TOGARAM1: variants seen among roughly 807,000 people sequenced by gnomAD.
TOGARAM1 encodes the protein TOG array regulator of axonemal microtubules 1, also known as TOG array regulator of axonemal microtubules protein 1.
Under a neutral mutation model 166.6 loss-of-function variants are expected in TOGARAM1, and 100 were observed. The ratio of observed to expected loss-of-function variants is 0.60; its 90% CI spans 0.51 to 0.71. The LOEUF (loss-of-function observed/expected upper bound fraction) is 0.71. Among genes scored for constraint, TOGARAM1 ranks in the 30% least tolerant of loss-of-function variants. The pLI, the probability that TOGARAM1 is intolerant of heterozygous loss-of-function variation, is 0.00. For synonymous variants in TOGARAM1, 758 were observed against 763.8 expected (o/e 0.99, Z 0.13); for missense variants, 2,029 against 2,102.7 (o/e 0.96, Z 0.69).
At chr14:44,997,951 T>C (rs1887511078) in intron 2 of TOGARAM1, among the ~76,000 whole-genome samples, 1 of 152,196 alleles carries the variant, frequency 6.6e-6, no homozygotes, top group African/African-American at 2.4e-5. Flanking sequence ...GAAAATGGTT[T>C]AGAAGGTAAA....
chr14:45,034,644 T>C (rs186936214), intron 11 of TOGARAM1, among the ~76,000 whole-genome samples: 83 of 152,322 alleles, frequency 5.4e-4, no homozygotes, highest in African/African-American at 1.9e-3. Context: ...CTCAGAGTTT[T>C]GCTCCATAGT....
chr14:44,963,658 G>C lies in TOGARAM1; in HGVS notation c.1237G>C (p.Gly413Arg). 3 of 1,613,420 alleles carry C rather than the reference G, an allele frequency of 1.9e-6. No homozygotes were observed. The highest frequency in any genetic ancestry group is 2.5e-6 in the Non-Finnish European group (3 of 1,180,018). The change falls in exon 1 of 20, where the codon GGC (glycine) becomes CGC (arginine). Residue 413 changes from glycine to arginine, a missense_variant. Transcript: ENST00000361462. ...CGATTCTAACTTCAAAGTGGTGCAT[G>C]GCACACTTGAAGTCCTGCATTTACT... The part of the protein sequence containing the change: ...LDDSNFKVVH[G>R]TLEVLHLLVI...
At chr14:45,027,177 C>A (rs1000575114) in intron 8 of TOGARAM1, 122 bp from the exon 9 acceptor site, 3 of 863,040 alleles carry the variant, frequency 3.5e-6, no homozygotes, top group Admixed American at 2.8e-5. Flanking sequence ...AATTATTTAG[C>A]ATGTTTTTCT....
chr14:45,020,848 G>A (rs1229812078), intron 7 of TOGARAM1, among the ~76,000 whole-genome samples: 1 of 152,186 alleles, frequency 6.6e-6, no homozygotes, highest in Non-Finnish European at 1.5e-5. Context: ...CTACTAAAAT[G>A]GAAGTGGTGT....
chr14:45,006,296 AAAATATTTGCAATTTTCTAT>A (rs764570824), intron 5 of TOGARAM1, 29 bp downstream of exon 5: 18 of 1,516,046 alleles, frequency 1.2e-5, no homozygotes, highest in Middle Eastern at 4.1e-4. Context: ...TAATGACTTA[AAAATATTTGCAATTTTCTAT>A]AATATAGTTG....
chr14:45,040,298 T>A (rs1280365344), intron 11 of TOGARAM1, among the ~76,000 whole-genome samples: 1 of 152,194 alleles, frequency 6.6e-6, no homozygotes, highest in Non-Finnish European at 1.5e-5. Flanking sequence ...ATTTATGGGA[T>A]GTAGCCAAAT....
intron 16 of TOGARAM1, among the ~76,000 whole-genome samples, chr14:45,063,323 C>T (rs1265443425): frequency 1.3e-5 from 2 of 152,070 alleles, no homozygotes; most frequent in African/African-American, 4.8e-5. Flanking sequence ...CATATGATAA[C>T]TCTATGTTTA....
rs1386620618 is a variant in TOGARAM1 at position 45,073,530 on chromosome 14, T to A, written c.5291T>A (p.Leu1764Ter). ...CATATCAAAAAGAGTTTGGAGGAAT[T>A]ACTCGATATGACAATTTTAAATGAA... Reference protein sequence around the residue: ...PPHIKKSLEELLDMTILNEL With the variant: ...PPHIKKSLEE The change falls in exon 20 of 20, where the codon TTA (leucine) becomes TAA (stop). Residue 1764 changes from leucine to a stop codon, truncating the protein, a stop_gained. Coordinates refer to ENST00000361462, the MANE Select transcript of TOGARAM1 (RefSeq NM_001308120.2). LOFTEE classifies it high-confidence loss of function. 4 of 1,613,790 alleles carry A rather than the reference T, an allele frequency of 2.5e-6. No homozygotes were observed. Among genetic ancestry groups the A allele is most frequent in the Non-Finnish European group, 3.4e-6 (4 of 1,179,908 alleles).
At chr14:45,002,696 G>A (rs906563970) in intron 3 of TOGARAM1, among the ~76,000 whole-genome samples, 3 of 152,032 alleles carry the variant, frequency 2.0e-5, no homozygotes, top group Non-Finnish European at 2.9e-5. Flanking sequence ...TTTAAATCTC[G>A]GCTGTGTGCG....
chr14:45,051,365 AAATGGTC>A (rs1368526892), intron 14 of TOGARAM1, among the ~76,000 whole-genome samples: 4 of 151,988 alleles, frequency 2.6e-5, no homozygotes, highest in Non-Finnish European at 5.9e-5. Context: ...GGTGGACAGC[AAATGGTC>A]AATGGGCAAG....
In TOGARAM1 at chr14:45,025,823, C is replaced by T; in HGVS notation, c.3279C>T (p.Phe1093=). Residue 1093 remains phenylalanine (F), a synonymous_variant, in exon 8 of 20, where the codon TTC becomes TTT. Transcript: ENST00000361462. ...CACAGCAAATTTCCAGTTTTGACTT[C>T]ACAACCACAAAGGCTTTATCAGAAG... The part of the protein sequence containing the change: ...SNPQQISSFD[F]TTTKALSEDS... The T allele has an allele frequency of 6.2e-7, 1 of 1,610,422 alleles. No individual in the cohort carries two copies. Among genetic ancestry groups the T allele is most frequent in the Non-Finnish European group, 8.5e-7 (1 of 1,177,536 alleles).
chr14:45,073,652 C>T lies in TOGARAM1; in HGVS notation c.*91C>T. The T allele has an allele frequency of 8.3e-7, 1 of 1,207,718 alleles. No homozygotes were observed. The highest frequency in any genetic ancestry group is 1.1e-6 in the Non-Finnish European group (1 of 878,036). 74.8% of individuals were successfully genotyped at this position (1,207,718 alleles called of 1,614,324 possible). ...AGTTATGTTATCAGTGCCTGCACTT[C>T]ACATCCAGCAAATTAAGTCAATGGC... On this transcript the variant is annotated 3_prime_UTR_variant, in exon 20 of 20. Transcript: ENST00000361462.
Position 45,044,781 on chromosome 14 carries a change from A to G in TOGARAM1, c.4065A>G (p.Ile1355Met), listed in dbSNP as rs760816214. Residue 1355 changes from isoleucine to methionine, a missense_variant, in exon 13 of 20, where the codon ATA (isoleucine) becomes ATG (methionine). By Grantham distance (10) the Ile-to-Met change is conservative (BLOSUM62 1). Around this residue, in one of 2 missense-constraint regions of TOGARAM1, gnomAD observed 576 missense variants for 670.5 expected, o/e 0.86. Transcript: ENST00000361462. ...AGGCTGGTGAATCAAATACATTTAT[A>G]AGAGAAGATGTTGACAAAGCATTGA... is the stretch of plus-strand genomic sequence containing the variant. Reference protein sequence around the residue: ...LHKAGESNTFIREDVDKALRA... With the variant: ...LHKAGESNTFMREDVDKALRA... 6.2e-7 allele frequency: 1 copy of G among 1,614,028 alleles called. No individual in the cohort carries two copies. Among genetic ancestry groups the G allele is most frequent in the Non-Finnish European group, 8.5e-7 (1 of 1,180,020 alleles).
Position 45,004,320 on chromosome 14 carries a change from G to T in TOGARAM1, c.2598G>T (p.Lys866Asn). The change falls in exon 4 of 20, where the codon AAG becomes AAT. Residue 866 changes from lysine to asparagine, a missense_variant. Lys to Asn is a moderately conservative substitution (Grantham distance 94). Around this residue, in one of 2 missense-constraint regions of TOGARAM1, gnomAD observed 1,453 missense variants for 1,432.2 expected, o/e 1.01. Transcript: ENST00000361462. ...GACTATCAAAGCCAAGTCCACAGAA[G>T]AAGCTTGTCAGCCAAAAATCGTCTG... is the stretch of plus-strand genomic sequence containing the variant. ...FEGLSKPSPQ[K>N]KLVSQKSSDP... 1 of 1,613,938 alleles carries T rather than the reference G, an allele frequency of 6.2e-7. No homozygotes were observed.
At chr14:45,003,764 G>GAAATGTATGTATATGTATACATAT in intron 3 of TOGARAM1, among the ~76,000 whole-genome samples, 1 of 121,894 alleles carries the variant, frequency 8.2e-6, no homozygotes, top group East Asian at 2.5e-4. Context: ...AGACTTCTCT[G>GAAATGTATGTATATGTATACATAT]ACATGTGTGT....
intron 7 of TOGARAM1, among the ~76,000 whole-genome samples, chr14:45,023,603 C>T (rs1008831308): frequency 1.1e-4 from 17 of 152,166 alleles, no homozygotes; most frequent in African/African-American, 3.1e-4. Flanking sequence ...GTTGCAAGCT[C>T]GTCCCTCAGA....
chr14:44,966,436 G>C (rs1421840594), intron 1 of TOGARAM1, among the ~76,000 whole-genome samples: 1 of 151,914 alleles, frequency 6.6e-6, no homozygotes, highest in Admixed American at 6.6e-5. Context: ...TCACACCACT[G>C]TACCCCAGCC....
intron 1 of TOGARAM1, among the ~76,000 whole-genome samples, chr14:44,976,702 A>G (rs1354233718): frequency 2.0e-5 from 3 of 152,214 alleles, no homozygotes; most frequent in African/African-American, 4.8e-5. Flanking sequence ...TTTAGCTACC[A>G]GTCATCATGT....
intron 16 of TOGARAM1, among the ~76,000 whole-genome samples, chr14:45,057,167 T>C (rs1373071452): frequency 1.3e-5 from 2 of 152,154 alleles, no homozygotes; most frequent in Non-Finnish European, 2.9e-5. Context: ...ATCCCTTGTT[T>C]ATTCTGTCGA....
Sources: gnomAD v4.1 joint callset for allele counts (sites outside exome capture counted in the v4.1 genomes callset) on GRCh38, gnomAD v4.1.1 for gene constraint, gnomAD v4.1.1 regional missense constraint, MANE v1.5 for transcripts, NCBI Gene and HGNC (gene_info 2026-07-23, HGNC 2026-07-21) for gene names.